GRIN2B: variants seen among roughly 807,000 people sequenced by gnomAD.
The protein encoded by GRIN2B is glutamate ionotropic receptor NMDA type subunit 2B.
Under a neutral mutation model 114.5 loss-of-function variants are expected in GRIN2B, and 5 were observed. The observed-to-expected ratio is 0.04, with a 90% CI of 0.02 to 0.09. The LOEUF is 0.09. Ranked by LOEUF, GRIN2B falls within the 10% of genes least tolerant of loss-of-function variation. The pLI is 1.00. For missense variants in GRIN2B, 1,108 were observed against 1,943.5 expected, an observed-to-expected ratio of 0.57 and a Z score of 8.08; for synonymous variants, 787 against 745.1, an observed-to-expected ratio of 1.06 and a Z score of -0.92.
chr12:13,873,159 G>T (rs1474296921), intron 2 of GRIN2B, among the ~76,000 whole-genome samples: 2 of 152,160 alleles, frequency 1.3e-5, no homozygotes, highest in African/African-American at 2.4e-5. Context: ...TTTAAGAATT[G>T]TAAGTTCCAA....
At position 13,832,328 on chromosome 12, in the gene GRIN2B, T is replaced by C. The variant is rs185520204; in HGVS notation, c.411+33470A>G. 1.4e-4 allele frequency among the ~76,000 whole-genome samples: 21 copies of C among 152,320 alleles called. No homozygotes were observed. The East Asian group carries it at 3.9e-3, about 28-fold the overall frequency. On this transcript the variant is annotated intron_variant, in intron 3 of 13. Transcript: ENST00000609686. ...GTAATCTGCTTTAAATGCTCACATC[T>C]TCATAGTACAAACATGTATTCCTCC...
rs749625045 is a variant in GRIN2B, at chr12:13,548,273, A to C, written c.*14510T>G. The C allele has an allele frequency of 6.6e-6, 1 of 151,918 alleles. No individual in the cohort carries two copies. The highest frequency in any genetic ancestry group is 1.5e-5 in the Non-Finnish European group (1 of 67,980). 9.4% of individuals were successfully genotyped at this position (151,918 alleles called of 1,614,324 possible). On this transcript the variant is annotated 3_prime_UTR_variant, in exon 14 of 14. Transcript: ENST00000609686. ...ATAGGAAGATATCTTTATGTTGTGT[A>C]TACTCGGTTTAGTGGCTTCAGTCTT...
At chr12:13,795,049 G>A (rs1325399984) in intron 3 of GRIN2B, among the ~76,000 whole-genome samples, 1 of 152,182 alleles carries the variant, frequency 6.6e-6, no homozygotes, top group Non-Finnish European at 1.5e-5. Context: ...ACTTAAAGGA[G>A]CAATTAAAGC....
chr12:13,734,314 TA>T (rs1863144781), intron 4 of GRIN2B, among the ~76,000 whole-genome samples: 2 of 152,154 alleles, frequency 1.3e-5, no homozygotes, highest in Admixed American at 1.3e-4. Flanking sequence ...AAGGATGACT[TA>T]ACTTAGGGGC....
At chr12:13,944,576 A>G (rs1263832361) in intron 2 of GRIN2B, among the ~76,000 whole-genome samples, 1 of 152,162 alleles carries the variant, frequency 6.6e-6, no homozygotes, top group Non-Finnish European at 1.5e-5. Context: ...GCATCTTTGT[A>G]TTTTACATCT....
rs369460073 is a variant in GRIN2B at position 13,848,619 on chromosome 12, C to T, written c.411+17179G>A. On this transcript the variant is annotated intron_variant, in intron 3 of 13. Coordinates refer to ENST00000609686, the MANE Select transcript of GRIN2B (RefSeq NM_000834.5). ...CAAGATCACAAAGTGGCCATGATTG[C>T]TACTTGGAAGTTCCAGAAGCACACA... is the stretch of plus-strand genomic sequence containing the variant. Among the ~76,000 whole-genome samples the T allele has an allele frequency of 1.5e-4, 23 of 152,298 alleles. No individual in the cohort carries two copies. In the East Asian group the frequency reaches 2.1e-3, roughly 14 times the overall value.
chr12:13,828,876 G>T (rs10845843), intron 3 of GRIN2B, among the ~76,000 whole-genome samples: 30,403 of 152,128 alleles, frequency 0.2, 3,358 homozygotes, highest in South Asian at 0.27. Flanking sequence ...TATTACACAT[G>T]AAATTAAATC....
intron 2 of GRIN2B, among the ~76,000 whole-genome samples, chr12:13,945,514 G>A (rs913735929): frequency 6.6e-6 from 1 of 152,182 alleles, no homozygotes; most frequent in African/African-American, 2.4e-5. Flanking sequence ...TGGCAGAACA[G>A]TGATAAGTTC....
chr12:13,717,344 C>T (rs1950465136), intron 4 of GRIN2B, among the ~76,000 whole-genome samples: 2 of 151,886 alleles, frequency 1.3e-5, no homozygotes, highest in Non-Finnish European at 2.9e-5. Flanking sequence ...CAAGGCAATG[C>T]AGAATAACAA....
chr12:13,959,086 G>A (rs1220440116), intron 2 of GRIN2B, among the ~76,000 whole-genome samples: 1 of 152,194 alleles, frequency 6.6e-6, no homozygotes, highest in African/African-American at 2.4e-5. Flanking sequence ...AAATACTTGT[G>A]ACCAAAATGA....
chr12:13,642,358 G>T (rs1379600297), intron 5 of GRIN2B, among the ~76,000 whole-genome samples: 1 of 152,156 alleles, frequency 6.6e-6, no homozygotes, highest in Non-Finnish European at 1.5e-5. Flanking sequence ...TGCTGAAGGA[G>T]CACTAAGTAG....
chr12:13,710,999 A>G (rs958855493), intron 4 of GRIN2B, among the ~76,000 whole-genome samples: 2 of 152,184 alleles, frequency 1.3e-5, no homozygotes, highest in Non-Finnish European at 2.9e-5. Flanking sequence ...CACAGTAACC[A>G]AAACAGCATG....
In GRIN2B at chr12:13,564,076, G is replaced by A; in HGVS notation, c.3162C>T (p.Asp1054=). 1 of 1,614,218 alleles carries A rather than the reference G, an allele frequency of 6.2e-7. No individual in the cohort carries two copies. ...TGTCAGAGACATCGGAGCGGATCAA[G>A]TCGTCGTGGCCACTGTAGCGGTCGC... ...FKSDRYSGHD[D]LIRSDVSDIS... is the part of the protein sequence containing the mutation. Residue 1054 remains aspartate, a synonymous_variant, in exon 14 of 14, where the codon GAC becomes GAT. Transcript: ENST00000609686. The surrounding 1 kb of genome is among the most constrained non-coding windows in gnomAD (Gnocchi z 4.8).
At chr12:13,588,762 T>C (rs553732962) in intron 10 of GRIN2B, among the ~76,000 whole-genome samples, 6 of 152,314 alleles carry the variant, frequency 3.9e-5, no homozygotes, top group African/African-American at 9.6e-5. Context: ...GTGGAATGGA[T>C]GTGGTCAGGC....
chr12:13,811,045 A>G (rs1251713443), intron 3 of GRIN2B, among the ~76,000 whole-genome samples: 1 of 152,270 alleles, frequency 6.6e-6, no homozygotes, highest in Admixed American at 6.5e-5. Context: ...CAGTAGTGAG[A>G]TTCATTTATC....
chr12:13,621,607 GTTTTTGTTT>G (rs1193025759), intron 5 of GRIN2B, among the ~76,000 whole-genome samples: 4 of 27,692 alleles, frequency 1.4e-4, no homozygotes, highest in Middle Eastern at 0.031. Context: ...AAATTGCCTA[GTTTTTGTTT>G]TTTTTTTTTT....
chr12:13,617,759 A>C (rs1805541), intron 5 of GRIN2B, among the ~76,000 whole-genome samples: 41,484 of 152,222 alleles, frequency 0.27, 6,329 homozygotes, highest in Middle Eastern at 0.44. Flanking sequence ...AGCACCACTT[A>C]ATTTATTAAC....
At chr12:13,701,804 T>C (rs1281540295) in intron 4 of GRIN2B, among the ~76,000 whole-genome samples, 1 of 152,212 alleles carries the variant, frequency 6.6e-6, no homozygotes, top group African/African-American at 2.4e-5. Flanking sequence ...AGACAAGAAC[T>C]CCACCAATCC....
chr12:13,719,493 T>C (rs1950488963), intron 4 of GRIN2B, among the ~76,000 whole-genome samples: 2 of 151,832 alleles, frequency 1.3e-5, no homozygotes, highest in South Asian at 4.2e-4. Flanking sequence ...ACAAGAGAAG[T>C]CCATCTTAAC....
Sources: allele counts gnomAD v4.1 joint callset (sites outside exome capture counted in the v4.1 genomes callset), GRCh38; gene constraint gnomAD v4.1.1; non-coding constraint Gnocchi (gnomAD v3.1); transcripts MANE v1.5; gene names NCBI Gene and HGNC (gene_info 2026-07-23, HGNC 2026-07-21).